Variants in SLC30A8 observed in about 807,000 individuals in gnomAD.
SLC30A8 encodes the protein proton-coupled zinc antiporter SLC30A8.
A neutral mutation model predicts 36.9 loss-of-function variants in SLC30A8; 27 were observed. The observed-to-expected ratio is 0.73, with a 90% CI of 0.54 to 1.01. SLC30A8 has a LOEUF of 1.01. SLC30A8 is among the 50% of genes least tolerant of loss of function. The pLI is 0.00. For missense variants in SLC30A8, 439 were observed against 452.0 expected (o/e 0.97, Z 0.26); for synonymous variants, 164 against 172.4 (o/e 0.95, Z 0.38).
chr8:117,076,471 G>A (rs1227292382), intron 2 of SLC30A8, among the ~76,000 whole-genome samples: 1 of 151,984 alleles, frequency 6.6e-6, no homozygotes, highest in Non-Finnish European at 1.5e-5. Context: ...GATGAATGAA[G>A]AAAATTACAG....
intron 1 of SLC30A8, among the ~76,000 whole-genome samples, chr8:117,138,079 A>AT (rs1821450493): frequency 6.8e-6 from 1 of 147,436 alleles, no homozygotes; most frequent in African/African-American, 2.6e-5. Context: ...AAAAAAAAAA[A>AT]AGAAAAAGAA....
chr8:117,034,520 T>G (rs1702708567), intron 1 of SLC30A8, among the ~76,000 whole-genome samples: 1 of 152,156 alleles, frequency 6.6e-6, no homozygotes, highest in African/African-American at 2.4e-5. Context: ...TCACCCTACT[T>G]TATGGTTGGG....
At chr8:117,053,594 T>C (rs1463551101) in intron 2 of SLC30A8, among the ~76,000 whole-genome samples, 1 of 152,156 alleles carries the variant, frequency 6.6e-6, no homozygotes, top group East Asian at 1.9e-4. Context: ...TTAGCCCCAC[T>C]GAAGAAATGG....
At chr8:117,089,991 T>A (rs550891495) in intron 2 of SLC30A8, among the ~76,000 whole-genome samples, 4 of 152,216 alleles carry the variant, frequency 2.6e-5, no homozygotes, top group Admixed American at 1.3e-4. Flanking sequence ...TTTTTTTTTT[T>A]AGACACATTC....
intron 2 of SLC30A8, among the ~76,000 whole-genome samples, chr8:117,107,680 T>C (rs1168874466): frequency 6.6e-6 from 1 of 152,140 alleles, no homozygotes; most frequent in Non-Finnish European, 1.5e-5. Flanking sequence ...CATCCATTGC[T>C]ATAAGAGAAC....
Position 117,044,994 on chromosome 8 carries a change from T to A in SLC30A8, c.-226+5736T>A, listed in dbSNP as rs557799624. Among the ~76,000 whole-genome samples the A allele has an allele frequency of 1.2e-3, 187 of 152,306 alleles. 1 individual carries two copies. Among genetic ancestry groups the A allele is most frequent in the African/African-American group, 4.3e-3 (179 of 41,572 alleles). On this transcript the variant is annotated intron_variant, in intron 2 of 10. Transcript: ENST00000427715. ...GCATTAAACAAACGCGAGCCAGGGATTCCAGTAGGGAATTTAACACTGGCC... is the reference window on the plus strand; with the variant it reads ...GCATTAAACAAACGCGAGCCAGGGAATCCAGTAGGGAATTTAACACTGGCC...
intron 1 of SLC30A8, among the ~76,000 whole-genome samples, chr8:117,136,726 A>T (rs946760742): frequency 6.6e-6 from 1 of 152,022 alleles, no homozygotes; most frequent in African/African-American, 2.4e-5. Flanking sequence ...CCCTATGGAT[A>T]CTATCAATAG....
intron 1 of SLC30A8, among the ~76,000 whole-genome samples, chr8:117,140,444 C>T (rs1586576955): frequency 6.6e-6 from 1 of 151,972 alleles, no homozygotes; most frequent in Non-Finnish European, 1.5e-5. Context: ...CATGCTTGCA[C>T]ATTACAGTAA....
At position 117,173,853 on chromosome 8, in the gene SLC30A8, T is replaced by G. The variant is rs1823526805; in HGVS notation, c.*1172T>G. ...TTGGCAGCTACAATAGTATCATGAA[T>G]TGCAATGATGTAGTGGGGTATAAAA... On this transcript the variant is annotated 3_prime_UTR_variant, in exon 8 of 8. Transcript: ENST00000456015. 2 of 152,266 alleles carry G rather than the reference T, an allele frequency of 1.3e-5. No individual in the cohort carries two copies. The highest frequency in any genetic ancestry group is 3.4e-3 in the Middle Eastern group (1 of 294). 9.4% of individuals were successfully genotyped at this position (152,266 alleles called of 1,614,324 possible). A position where few individuals can be genotyped will look rare whatever the true frequency, so the allele number is the denominator to read the frequency against.
At chr8:117,016,007 G>A (rs772275678) in intron 1 of SLC30A8, among the ~76,000 whole-genome samples, 13 of 152,144 alleles carry the variant, frequency 8.5e-5, no homozygotes, top group Non-Finnish European at 4.4e-5. Context: ...AATGGAATGC[G>A]CTTGAATAAG....
At chr8:117,050,725 G>A (rs1817683179) in intron 2 of SLC30A8, among the ~76,000 whole-genome samples, 2 of 152,002 alleles carry the variant, frequency 1.3e-5, no homozygotes, top group Admixed American at 1.3e-4. Flanking sequence ...TTTACTAGAG[G>A]AATTAACAAG....
intron 5 of SLC30A8, 29 bp downstream of exon 5, chr8:117,161,917 T>C (rs1163049482): frequency 1.4e-5 from 23 of 1,596,632 alleles, no homozygotes; most frequent in Non-Finnish European, 1.9e-5. Flanking sequence ...ACCATCCTAG[T>C]ACTTATGTAG....
At chr8:117,100,947 T>C (rs1819688920) in intron 2 of SLC30A8, among the ~76,000 whole-genome samples, 1 of 152,158 alleles carries the variant, frequency 6.6e-6, no homozygotes, top group African/African-American at 2.4e-5. Flanking sequence ...TTACTAGAAC[T>C]AAACATACCA....
chr8:117,122,907 T>A (rs894134670), intron 2 of SLC30A8, among the ~76,000 whole-genome samples: 16 of 151,974 alleles, frequency 1.1e-4, no homozygotes, highest in African/African-American at 3.9e-4. Flanking sequence ...TCCCAAATCA[T>A]GATGGAGCTT....
At chr8:117,042,811 G>C (rs965838124) in intron 2 of SLC30A8, among the ~76,000 whole-genome samples, 1 of 152,126 alleles carries the variant, frequency 6.6e-6, no homozygotes, top group Non-Finnish European at 1.5e-5. Flanking sequence ...GAGTAGCTGG[G>C]ATTACAGGCA....
chr8:116,985,285 C>A (rs1328002100), intron 1 of SLC30A8, among the ~76,000 whole-genome samples: 1 of 111,818 alleles, frequency 8.9e-6, no homozygotes, highest in Non-Finnish European at 1.8e-5. Flanking sequence ...TGTGCATGCT[C>A]ACACACATAC....
At chr8:117,128,501 A>G (rs1462925215) in intron 2 of SLC30A8, 3 of 151,564 alleles carry the variant, frequency 2.0e-5, no homozygotes, top group African/African-American at 7.3e-5. Flanking sequence ...AAAGAATTTG[A>G]TAAAGACATT....
intron 1 of SLC30A8, among the ~76,000 whole-genome samples, chr8:116,954,637 G>A (rs1260362795): frequency 1.3e-5 from 2 of 152,144 alleles, no homozygotes; most frequent in East Asian, 3.9e-4. Context: ...GTAATAATGG[G>A]TTAAGGAGTA....
chr8:117,149,968 T>G (rs138994205), intron 2 of SLC30A8, among the ~76,000 whole-genome samples: 2 of 152,132 alleles, frequency 1.3e-5, no homozygotes, highest in Non-Finnish European at 2.9e-5. Flanking sequence ...GTGAACCTCA[T>G]GTGCACAGAA....
Sources: allele counts gnomAD v4.1 joint callset (sites outside exome capture counted in the v4.1 genomes callset), GRCh38; gene constraint gnomAD v4.1.1; transcripts MANE v1.5; gene names NCBI Gene and HGNC (gene_info 2026-07-23, HGNC 2026-07-21).